The following LRRIQ1 variants were observed in gnomAD, a reference collection of about 807,000 sequenced individuals.
LRRIQ1 encodes leucine rich repeats and IQ motif containing 1, also known as leucine-rich repeat- and IQ domain-containing protein 1.
Under a neutral mutation model 211.9 loss-of-function variants are expected in LRRIQ1, and 210 were observed. The ratio of observed to expected loss-of-function variants is 0.99; its 90% CI spans 0.89 to 1.11. The LOEUF (loss-of-function observed/expected upper bound fraction) is 1.11, where lower values mean the gene tolerates loss of function less well. Ranked by LOEUF, LRRIQ1 falls within the 50% of genes most tolerant of loss-of-function variation. The pLI is 0.00. For missense variants in LRRIQ1, 2,136 were observed against 1,939.5 expected (o/e 1.10, Z -1.90); for synonymous variants, 699 against 650.1 (o/e 1.08, Z -1.14).
chr12:85,159,280 A>G (rs549667572), intron 23 of LRRIQ1, among the ~76,000 whole-genome samples: 1 of 152,164 alleles, frequency 6.6e-6, no homozygotes, highest in African/African-American at 2.4e-5. Context: ...GCACTGTGTT[A>G]AATGAAATGG....
At chr12:85,073,606 G>A (rs1005815729) in intron 11 of LRRIQ1, among the ~76,000 whole-genome samples, 2 of 151,974 alleles carry the variant, frequency 1.3e-5, no homozygotes, top group South Asian at 4.1e-4. Flanking sequence ...GGATTTCCTG[G>A]CATAGGATAT....
intron 24 of LRRIQ1, among the ~76,000 whole-genome samples, chr12:85,183,886 T>G (rs1310068454): frequency 1.3e-5 from 2 of 152,116 alleles, no homozygotes; most frequent in Non-Finnish European, 2.9e-5. Context: ...TCTGTTTATG[T>G]TCTATGTAGA....
chr12:85,040,623 C>A, intron 3 of LRRIQ1, 22 bp downstream of exon 3: 2 of 1,400,510 alleles, frequency 1.4e-6, no homozygotes, highest in South Asian at 2.5e-5. Context: ...TTTCATCTGT[C>A]TGGCAGATAA....
At chr12:85,237,603 T>C (rs892365949) in intron 26 of LRRIQ1, among the ~76,000 whole-genome samples, 3 of 152,056 alleles carry the variant, frequency 2.0e-5, no homozygotes, top group African/African-American at 7.2e-5. Flanking sequence ...CCGGGAAACA[T>C]TGGAGTTCTG....
In LRRIQ1 at chr12:85,047,373, A is replaced by G. The variant is rs761527744; in HGVS notation, c.581A>G (p.Asp194Gly). ...AAACAAACTCTCAAAGCTCAGAGGG[A>G]TAGAGAAGAAAAACAATTTCAAGAA... ...KEKQTLKAQR[D>G]REEKQFQEEE... is the part of the protein sequence containing the mutation. Residue 194 changes from aspartate to glycine, a missense_variant, in exon 6 of 27, where the codon GAT (aspartate) becomes GGT (glycine). Transcript: ENST00000393217. The G allele has an allele frequency of 1.2e-6, 2 of 1,606,898 alleles. No individual in the cohort carries two copies. The highest frequency in any genetic ancestry group is 2.7e-5 in the African/African-American group (2 of 74,776).
intron 8 of LRRIQ1, 53 bp downstream of exon 8, chr12:85,057,237 A>C: frequency 8.3e-7 from 1 of 1,207,426 alleles, no homozygotes. Context: ...TAGCTCTTTA[A>C]AGTATAACTT....
At chr12:85,077,388 A>G (rs1883778537) in intron 11 of LRRIQ1, among the ~76,000 whole-genome samples, 1 of 152,240 alleles carries the variant, frequency 6.6e-6, no homozygotes, top group Non-Finnish European at 1.5e-5. Flanking sequence ...AGCTGTTAAA[A>G]GAATATATTT....
At chr12:85,062,897 A>G (rs1882003550) in intron 8 of LRRIQ1, among the ~76,000 whole-genome samples, 1 of 151,690 alleles carries the variant, frequency 6.6e-6, no homozygotes, top group African/African-American at 2.4e-5. Context: ...AGCCATTCTA[A>G]TTGGTGTGAG....
the LRRIQ1 span, among the ~76,000 whole-genome samples, chr12:85,270,618 A>C: frequency 6.6e-6 from 1 of 152,086 alleles, no homozygotes; most frequent in Non-Finnish European, 1.5e-5. Flanking sequence ...CCATTTGTTA[A>C]TTATTTTTTC....
chr12:85,242,727 A>C (rs1289668516), intron 26 of LRRIQ1, among the ~76,000 whole-genome samples: 1 of 151,916 alleles, frequency 6.6e-6, no homozygotes, highest in Non-Finnish European at 1.5e-5. Flanking sequence ...ACTGAAAGAC[A>C]TTTAACTAGC....
chr12:85,265,690 A>G (rs1896403514), downstream of LRRIQ1, among the ~76,000 whole-genome samples: 1 of 152,064 alleles, frequency 6.6e-6, no homozygotes. Context: ...TGTAAAATTC[A>G]TATCAGATTT....
At chr12:85,037,434 C>T (rs1878270211) in intron 1 of LRRIQ1, among the ~76,000 whole-genome samples, 2 of 151,946 alleles carry the variant, frequency 1.3e-5, no homozygotes, top group Admixed American at 6.6e-5. Flanking sequence ...CTTTGAGTTC[C>T]ATTGCAGGAT....
rs760408739 is a variant in LRRIQ1 at position 85,124,064 on chromosome 12, G to A, written c.3558-6G>A. 34 of 1,584,384 alleles carry A rather than the reference G, an allele frequency of 2.1e-5. No individual in the cohort carries two copies. The South Asian group carries it at 3.7e-4, about 17-fold the overall frequency. ...TATTAAATGTTCTCATCATTTATTT[G>A]TTCAGAGATGTATTTACCTTGGATA... On this transcript the variant is annotated splice_region_variant and splice_polypyrimidine_tract_variant and intron_variant, in intron 16 of 26. Coordinates refer to ENST00000393217, the MANE Select transcript of LRRIQ1 (RefSeq NM_001079910.2).
chr12:85,072,005 G>A, intron 10 of LRRIQ1, among the ~76,000 whole-genome samples: 1 of 151,784 alleles, frequency 6.6e-6, no homozygotes. Context: ...CTAGTTTCTT[G>A]GCTTTTTCTT....
rs1565793235 is a variant in LRRIQ1, at chr12:85,056,642, A to G, written c.1849A>G (p.Thr617Ala). 8.1e-6 allele frequency: 13 copies of G among 1,598,864 alleles called. No homozygotes were observed. Among genetic ancestry groups the G allele is most frequent in the Non-Finnish European group, 9.4e-6 (11 of 1,174,080 alleles). The change falls in exon 8 of 27, where the codon ACA becomes GCA. Residue 617 changes from threonine to alanine, a missense_variant. Transcript: ENST00000393217. Reference protein sequence around the residue: ...ISVKQRSLSLTSENSKDVREN... With the variant: ...ISVKQRSLSLASENSKDVREN... ...AGTGAAACAAAGATCACTCTCACTA[A>G]CATCAGAAAATTCCAAAGATGTAAG...
rs778023186 is a variant in LRRIQ1 at position 85,047,721 on chromosome 12, T to C, written c.678+251T>C. On this transcript the variant is annotated intron_variant, in intron 6 of 26. Transcript: ENST00000393217. ...TGGAGTCTATGAATTTCAAGGGTCA[T>C]CATGGATAGCCTGAAATTTACAATA... 1.3e-4 allele frequency: 47 copies of C among 358,388 alleles called. No individual in the cohort carries two copies. In the Middle Eastern group the frequency reaches 4.9e-3, roughly 38 times the overall value. The allele number at this position is 358,388 out of a possible 1,614,324, so 22.2% of individuals were successfully genotyped here.
chr12:85,147,016 A>G (rs1889937627), intron 19 of LRRIQ1, among the ~76,000 whole-genome samples: 1 of 151,820 alleles, frequency 6.6e-6, no homozygotes, highest in Non-Finnish European at 1.5e-5. Context: ...GCTCACTGAT[A>G]AAATTGCTTT....
downstream of LRRIQ1, among the ~76,000 whole-genome samples, chr12:85,246,386 G>T (rs868839419): frequency 6.6e-6 from 1 of 150,950 alleles, no homozygotes; most frequent in Non-Finnish European, 1.5e-5. Flanking sequence ...ATAATTTTAC[G>T]CATTGCATAT....
At chr12:85,076,145 C>T (rs1883628180) in intron 11 of LRRIQ1, among the ~76,000 whole-genome samples, 1 of 151,744 alleles carries the variant, frequency 6.6e-6, no homozygotes, top group Admixed American at 6.6e-5. Flanking sequence ...TTATTGAGTA[C>T]CTATATGTAT....
Sources: gnomAD v4.1 joint callset for allele counts (sites outside exome capture counted in the v4.1 genomes callset) on GRCh38, gnomAD v4.1.1 for gene constraint, MANE v1.5 for transcripts, NCBI Gene and HGNC (gene_info 2026-07-23, HGNC 2026-07-21) for gene names.